Variants in PNLIP observed in about 807,000 individuals in gnomAD.
PNLIP encodes the protein pancreatic triacylglycerol lipase.
PNLIP carries 49 observed loss-of-function variants against 57.1 expected under a neutral mutation model. The ratio of observed to expected loss-of-function variants is 0.86; its 90% confidence interval spans 0.68 to 1.09. The LOEUF is 1.09. Among genes scored for constraint, PNLIP ranks in the 50% least tolerant of loss-of-function variants. PNLIP has a pLI of 0.00. For missense variants in PNLIP, 503 were observed against 570.2 expected (o/e 0.88, Z 1.20); for synonymous variants, 209 against 200.4 (o/e 1.04, Z -0.36).
At position 116,561,559 on chromosome 10, in the gene PNLIP, G is replaced by A. The variant is rs765879360; in HGVS notation, c.1257G>A (p.Trp419Ter). 2 of 1,613,450 alleles carry A rather than the reference G, an allele frequency of 1.2e-6. No individual in the cohort carries two copies. The highest frequency in any genetic ancestry group is 3.3e-5 in the Admixed American group (2 of 59,998). Residue 419 changes from tryptophan to a stop codon, truncating the protein, a stop_gained, in exon 12 of 13, where the codon TGG (tryptophan) becomes TGA (stop). Transcript: ENST00000369221. LOFTEE classifies it high-confidence loss of function. ...ACTTGCAGATGGTTAAATTTATTTG[G>A]TATAACAATGTGATCAACCCAACTT... ...VGDLQMVKFI[W>*]YNNVINPTLP...
chr10:116,559,344 C>A, intron 10 of PNLIP, 61 bp downstream of exon 10: 2 of 1,287,814 alleles, frequency 1.6e-6, no homozygotes, highest in African/African-American at 1.5e-5. Context: ...ATTATGTCCA[C>A]TGAAAATGTG....
At chr10:116,548,000 A>C (rs1847148744) in intron 3 of PNLIP, among the ~76,000 whole-genome samples, 1 of 152,112 alleles carries the variant, frequency 6.6e-6, no homozygotes, top group Non-Finnish European at 1.5e-5. Context: ...AAACATTCCC[A>C]ATATTATATA....
chr10:116,547,185 T>C (rs907192881), intron 2 of PNLIP, 109 bp from the exon 3 acceptor site: 3 of 984,036 alleles, frequency 3.0e-6, no homozygotes, highest in Non-Finnish European at 3.2e-6. Flanking sequence ...GTGTTGAGAG[T>C]AGCAGAGGAG....
intron 6 of PNLIP, among the ~76,000 whole-genome samples, chr10:116,554,097 G>C (rs751528968): frequency 1.2e-4 from 19 of 152,142 alleles, no homozygotes; most frequent in Non-Finnish European, 2.5e-4. Flanking sequence ...AGAAATCGCT[G>C]TTCTGAGGCT....
Position 116,561,645 on chromosome 10 carries a change from T to C in PNLIP, c.1334+9T>C, listed in dbSNP as rs747524038. 1 of 1,603,076 alleles carries C rather than the reference T, an allele frequency of 6.2e-7. No individual in the cohort carries two copies. Among genetic ancestry groups the C allele is most frequent in the Non-Finnish European group, 8.5e-7 (1 of 1,173,072 alleles). On this transcript the variant is annotated intron_variant, in intron 12 of 12. Transcript: ENST00000369221. ...ACAAATGTTGGAAAACAGTAAGTAA[T>C]GAAAATCCCAGGAGATGTGAAATAT...
chr10:116,563,001 G>T (rs1001177482), intron 12 of PNLIP, among the ~76,000 whole-genome samples: 18 of 152,114 alleles, frequency 1.2e-4, no homozygotes, highest in Non-Finnish European at 2.4e-4. Flanking sequence ...TTGACTCAAA[G>T]ATTCCCAGGT....
At chr10:116,552,728 T>C (rs549851578) in intron 5 of PNLIP, among the ~76,000 whole-genome samples, 1 of 151,974 alleles carries the variant, frequency 6.6e-6, no homozygotes, top group Non-Finnish European at 1.5e-5. Flanking sequence ...CTACTAAAAA[T>C]ACAGAAAATT....
intron 4 of PNLIP, among the ~76,000 whole-genome samples, chr10:116,549,296 T>C (rs900295343): frequency 6.6e-6 from 1 of 151,842 alleles, no homozygotes; most frequent in African/African-American, 2.4e-5. Context: ...GCTAACACGG[T>C]GAAACCCCGT....
chr10:116,560,137 A>G (rs1847297215), intron 10 of PNLIP, among the ~76,000 whole-genome samples: 1 of 152,106 alleles, frequency 6.6e-6, no homozygotes, highest in Non-Finnish European at 1.5e-5. Context: ...GGAAATTGAA[A>G]ACTAAATGTA....
chr10:116,567,673 C>T (rs45441691), intron 12 of PNLIP, 62 bp from the exon 13 acceptor site: 112,276 of 1,388,916 alleles, frequency 0.081, 5,221 homozygotes, highest in African/African-American at 0.15. Flanking sequence ...ATTGTCCTCA[C>T]TGTCACACTC....
intron 6 of PNLIP, among the ~76,000 whole-genome samples, chr10:116,554,910 T>A (rs1453267843): frequency 6.6e-6 from 1 of 152,180 alleles, no homozygotes; most frequent in Non-Finnish European, 1.5e-5. Context: ...TGGTTTTTAG[T>A]CCAGTGTGTC....
rs552794377 is a variant in PNLIP, at chr10:116,559,679, G to A, written c.1060+396G>A. Among the ~76,000 whole-genome samples, 15 of 152,274 alleles carry A rather than the reference G, an allele frequency of 9.9e-5. No individual in the cohort carries two copies. The South Asian group carries it at 1.0e-3, about 11-fold the overall frequency. On this transcript the variant is annotated intron_variant, in intron 10 of 12. Coordinates refer to ENST00000369221, the MANE Select transcript of PNLIP (RefSeq NM_000936.4). ...AAAGACATTGACAGATTTAAGAGAC[G>A]TTTAGGATTGTAGGCTCCATGGGTG...
intron 6 of PNLIP, among the ~76,000 whole-genome samples, chr10:116,554,378 C>T (rs1195706615): frequency 6.6e-6 from 1 of 152,178 alleles, no homozygotes; most frequent in African/African-American, 2.4e-5. Flanking sequence ...AAGCCTCAAA[C>T]ATAACCCCAG....
rs750712142 is a variant in PNLIP, at chr10:116,551,216, T to A, written c.443T>A (p.Phe148Tyr). The A allele has an allele frequency of 1.9e-6, 3 of 1,611,358 alleles. No individual in the cohort carries two copies. Among genetic ancestry groups the A allele is most frequent in the Non-Finnish European group, 2.5e-6 (3 of 1,178,582 alleles). Residue 148 changes from phenylalanine to tyrosine, a missense_variant, in exon 5 of 13, where the codon TTT (phenylalanine) becomes TAT (tyrosine). Coordinates refer to ENST00000369221, the MANE Select transcript of PNLIP (RefSeq NM_000936.4). ...ATCGTGGGAGCAGAAGTGGCATATT[T>A]TGTTGAATTTCTTCAGGTAATTACT... ...IRIVGAEVAYFVEFLQSAFGY... is the reference protein window; with the variant it reads ...IRIVGAEVAYYVEFLQSAFGY...
chr10:116,547,383 T>G lies in PNLIP; in HGVS notation c.136T>G (p.Trp46Gly). The change falls in exon 3 of 13, where the codon TGG becomes GGG. Residue 46 changes from tryptophan to glycine, a missense_variant. By Grantham distance (184) the Trp-to-Gly change is radical (BLOSUM62 -2). Transcript: ENST00000369221. ...ITERPLHILP[W>G]SPKDVNTRFL... ...GGAAAGACCCCTCCATATATTGCCT[T>G]GGTCTCCAAAAGATGTCAACACCCG... is the stretch of plus-strand genomic sequence containing the variant. The G allele has an allele frequency of 6.2e-7, 1 of 1,614,088 alleles. No individual in the cohort carries two copies.
chr10:116,555,299 T>C lies in PNLIP; in HGVS notation c.691+2T>C. 1 of 1,614,138 alleles carries C rather than the reference T, an allele frequency of 6.2e-7. No individual in the cohort carries two copies. The highest frequency in any genetic ancestry group is 8.5e-7 in the Non-Finnish European group (1 of 1,180,010). ...GTGCCCCCATAGTCCCCAATTTGGG[T>C]GAGTTCCTCAACCCGTCCCCCAAAG... is the stretch of plus-strand genomic sequence containing the variant. On this transcript the variant is annotated splice_donor_variant, in intron 7 of 12. Transcript: ENST00000369221. LOFTEE classifies it high-confidence loss of function.
chr10:116,555,595 C>T, intron 8 of PNLIP, 88 bp downstream of exon 8: 1 of 1,387,816 alleles, frequency 7.2e-7, no homozygotes, highest in African/African-American at 1.4e-5. Context: ...TGGAATTGTA[C>T]AGGTCTCACA....
intron 12 of PNLIP, among the ~76,000 whole-genome samples, chr10:116,564,604 T>C (rs1847345154): frequency 6.6e-6 from 1 of 152,038 alleles, no homozygotes; most frequent in South Asian, 2.1e-4. Flanking sequence ...AAATAGGAAA[T>C]ACATGATAAA....
At position 116,558,138 on chromosome 10, in the gene PNLIP, A is replaced by T. The variant is rs182194462; in HGVS notation, c.931-1016A>T. Among the ~76,000 whole-genome samples, 4 of 151,066 alleles carry T rather than the reference A, an allele frequency of 2.6e-5. No homozygotes were observed. In the East Asian group the frequency reaches 7.8e-4, roughly 29 times the overall value. ...TTTGAGCCTATTGTCCTCCTAATAAATTCTATTTTGTTTATCAGAAGCTGA... is the reference window on the plus strand; with the variant it reads ...TTTGAGCCTATTGTCCTCCTAATAATTTCTATTTTGTTTATCAGAAGCTGA... On this transcript the variant is annotated intron_variant, in intron 9 of 12. Transcript: ENST00000369221.
Sources: gnomAD v4.1 joint callset for allele counts (sites outside exome capture counted in the v4.1 genomes callset) on GRCh38, gnomAD v4.1.1 for gene constraint, MANE v1.5 for transcripts, NCBI Gene and HGNC (gene_info 2026-07-23, HGNC 2026-07-21) for gene names.